The following SCFD2 variants were observed in gnomAD, a reference collection of about 807,000 sequenced individuals.
The protein encoded by SCFD2 is sec1 family domain containing 2.
A neutral mutation model predicts 58.9 loss-of-function variants in SCFD2; 54 were observed. The ratio of observed to expected loss-of-function variants is 0.92; its 90% CI spans 0.74 to 1.15. The LOEUF is 1.15. Ranked by LOEUF, SCFD2 falls within the 50% of genes most tolerant of loss-of-function variation. The pLI is 0.00. For missense variants in SCFD2, 805 were observed against 836.6 expected (o/e 0.96, Z 0.47); for synonymous variants, 321 against 335.9 (o/e 0.96, Z 0.49).
At chr4:53,154,543 G>A (rs545516384) in intron 4 of SCFD2, among the ~76,000 whole-genome samples, 1 of 152,324 alleles carries the variant, frequency 6.6e-6, no homozygotes, top group African/African-American at 2.4e-5. Flanking sequence ...ATTTCAACAT[G>A]AGATTTGGAG....
chr4:53,352,819 G>A, intron 1 of SCFD2, 53 bp from the exon 2 acceptor site: 2 of 1,484,152 alleles, frequency 1.3e-6, no homozygotes, highest in South Asian at 2.4e-5. Context: ...GAAAAAGCAA[G>A]TTGGATAAAT....
chr4:52,978,668 G>C (rs917416176), intron 5 of SCFD2, among the ~76,000 whole-genome samples: 2 of 150,510 alleles, frequency 1.3e-5, no homozygotes, highest in Admixed American at 6.6e-5. Flanking sequence ...GGCATGTTTT[G>C]CTTTAAAAAA....
At chr4:52,947,446 T>C (rs1024923966) in intron 5 of SCFD2, among the ~76,000 whole-genome samples, 2 of 152,216 alleles carry the variant, frequency 1.3e-5, no homozygotes, top group African/African-American at 4.8e-5. Flanking sequence ...GTATGTATAA[T>C]TTTACAAATT....
Position 53,235,122 on chromosome 4 carries a change from C to T in SCFD2, c.1311+38704G>A, listed in dbSNP as rs1165984827. Among the ~76,000 whole-genome samples, 5 of 152,218 alleles carry T rather than the reference C, an allele frequency of 3.3e-5. 1 individual carries two copies. The South Asian group carries it at 8.3e-4, about 25-fold the overall frequency. The stretch of plus-strand genomic sequence containing the variant: ...GACATGTGCCTGCCCTTTAAATGCA[C>T]AGCCTGAACCTGGCCCACATCACAT... On this transcript the variant is annotated intron_variant, in intron 4 of 8. Transcript: ENST00000401642.
intron 5 of SCFD2, among the ~76,000 whole-genome samples, chr4:52,968,253 C>T (rs403536): frequency 0.14 from 20,816 of 152,234 alleles, 1,554 homozygotes; most frequent in East Asian, 0.28. Flanking sequence ...TGCTCAACTA[C>T]GCAGAGAGCA....
intron 4 of SCFD2, among the ~76,000 whole-genome samples, chr4:53,162,152 T>C (rs1726871455): frequency 6.6e-6 from 1 of 152,200 alleles, no homozygotes; most frequent in South Asian, 2.1e-4. Context: ...ATTTTTCCTT[T>C]TTCCCTTGCT....
At chr4:53,066,926 G>A (rs1222173355) in intron 5 of SCFD2, among the ~76,000 whole-genome samples, 1 of 152,032 alleles carries the variant, frequency 6.6e-6, no homozygotes, top group Admixed American at 6.6e-5. Flanking sequence ...CAGGCCTCAT[G>A]AGGAAAAGGG....
chr4:53,301,815 G>A (rs1173264683), intron 3 of SCFD2, among the ~76,000 whole-genome samples: 20 of 152,090 alleles, frequency 1.3e-4, no homozygotes, highest in Non-Finnish European at 2.4e-4. Flanking sequence ...ATCAATAAAC[G>A]TAATCCAGCA....
rs182439942 is a variant in SCFD2 at position 53,017,556 on chromosome 4, C to T, written c.1562-96686G>A. Among the ~76,000 whole-genome samples the T allele has an allele frequency of 4.8e-4, 73 of 152,292 alleles. No homozygotes were observed. The East Asian group carries it at 9.8e-3, about 21-fold the overall frequency. On this transcript the variant is annotated intron_variant, in intron 5 of 8. Transcript: ENST00000401642. ...AAGTTTCAATTTCCATCTAGATTCC[C>T]TGAGAATATGGACTTTAAAATATCC...
At position 52,873,882 on chromosome 4, in the gene SCFD2, G is replaced by T. The variant is rs1222685681; in HGVS notation, c.*87C>A. On this transcript the variant is annotated 3_prime_UTR_variant, in exon 9 of 9. Coordinates refer to ENST00000401642, the MANE Select transcript of SCFD2 (RefSeq NM_152540.4). ...CATTCTCGCAATTAGTGACAGGGAC[G>T]CTGGTTGTGGAGGAGTATTTGGAGT... The T allele has an allele frequency of 1.1e-6, 1 of 893,418 alleles. No individual in the cohort carries two copies. Among genetic ancestry groups the T allele is most frequent in the Non-Finnish European group, 1.9e-6 (1 of 538,350 alleles). The allele number at this position is 893,418 out of a possible 1,614,324, so 55.3% of individuals were successfully genotyped here.
At chr4:53,087,167 T>C (rs1166293612) in intron 5 of SCFD2, among the ~76,000 whole-genome samples, 2 of 152,148 alleles carry the variant, frequency 1.3e-5, no homozygotes, top group Non-Finnish European at 1.5e-5. Context: ...CCCACAAAAA[T>C]AAAATTCTTT....
chr4:53,108,534 T>G (rs1313660558), intron 5 of SCFD2, among the ~76,000 whole-genome samples: 2 of 151,916 alleles, frequency 1.3e-5, no homozygotes, highest in Admixed American at 6.6e-5. Flanking sequence ...ATAAAGGGAA[T>G]ATCACCACTG....
chr4:53,301,120 A>G (rs1732271472), intron 3 of SCFD2, among the ~76,000 whole-genome samples: 1 of 152,218 alleles, frequency 6.6e-6, no homozygotes, highest in Non-Finnish European at 1.5e-5. Context: ...TGAAGGAAAT[A>G]GAGACACAAA....
chr4:53,074,572 A>G (rs1339837275), intron 5 of SCFD2, among the ~76,000 whole-genome samples: 1 of 152,220 alleles, frequency 6.6e-6, no homozygotes, highest in African/African-American at 2.4e-5. Flanking sequence ...TTCTTAAATA[A>G]TATGACTTAA....
intron 3 of SCFD2, among the ~76,000 whole-genome samples, chr4:53,275,296 T>C (rs1469973223): frequency 6.6e-6 from 1 of 152,196 alleles, no homozygotes; most frequent in Non-Finnish European, 1.5e-5. Context: ...TTTGAAGAGA[T>C]AAAGAATGTT....
chr4:52,938,993 A>C (rs1174315349), intron 5 of SCFD2, among the ~76,000 whole-genome samples: 1 of 151,076 alleles, frequency 6.6e-6, no homozygotes, highest in African/African-American at 2.4e-5. Flanking sequence ...CTAATTTACC[A>C]CTCCCCCTTT....
intron 4 of SCFD2, among the ~76,000 whole-genome samples, chr4:53,206,425 TTGAA>T (rs1425820234): frequency 1.3e-5 from 2 of 152,160 alleles, no homozygotes; most frequent in African/African-American, 4.8e-5. Context: ...ATGCATGACT[TTGAA>T]TGTACAAAGC....
At chr4:52,934,569 T>G (rs566240103) in intron 5 of SCFD2, among the ~76,000 whole-genome samples, 26 of 152,330 alleles carry the variant, frequency 1.7e-4, no homozygotes, top group African/African-American at 6.3e-4. Flanking sequence ...GCAGGAAGCC[T>G]CTAGGAATTG....
At chr4:53,112,488 G>A (rs888935372) in intron 5 of SCFD2, among the ~76,000 whole-genome samples, 3 of 152,074 alleles carry the variant, frequency 2.0e-5, no homozygotes, top group African/African-American at 7.2e-5. Flanking sequence ...TGCCATCAAA[G>A]GGTCTATCTG....
Sources: allele counts gnomAD v4.1 joint callset (sites outside exome capture counted in the v4.1 genomes callset), GRCh38; gene constraint gnomAD v4.1.1; transcripts MANE v1.5; gene names NCBI Gene and HGNC (gene_info 2026-07-23, HGNC 2026-07-21).